CNBD1: variants seen among roughly 807,000 people sequenced by gnomAD.
CNBD1 encodes the protein cyclic nucleotide-binding domain-containing protein 1.
Under a neutral mutation model 54.4 loss-of-function variants are expected in CNBD1, and 71 were observed. The observed-to-expected ratio is 1.30, with a 90% CI of 1.08 to 1.59. CNBD1 has a LOEUF of 1.59. Ranked by LOEUF, CNBD1 falls within the 40% of genes most tolerant of loss-of-function variation. CNBD1 has a pLI of 0.00. For synonymous variants in CNBD1, 182 were observed against 170.7 expected (o/e 1.07, Z -0.51); for missense variants, 659 against 518.0 (o/e 1.27, Z -2.64).
intron 5 of CNBD1, among the ~76,000 whole-genome samples, chr8:87,228,717 A>C (rs534758748): frequency 1.3e-5 from 2 of 151,980 alleles, no homozygotes; most frequent in South Asian, 4.1e-4. Flanking sequence ...CTGCCCCCAG[A>C]GGTGGAGCCT....
intron 4 of CNBD1, among the ~76,000 whole-genome samples, chr8:87,176,835 A>G (rs1193971209): frequency 6.6e-6 from 1 of 151,974 alleles, no homozygotes; most frequent in Non-Finnish European, 1.5e-5. Flanking sequence ...TATTCTTATT[A>G]TTTCTGGCTT....
intron 4 of CNBD1, among the ~76,000 whole-genome samples, chr8:86,957,758 T>C (rs1182867463): frequency 6.6e-6 from 1 of 152,184 alleles, no homozygotes; most frequent in Non-Finnish European, 1.5e-5. Context: ...CTATCAATTT[T>C]GTTGATCTTT....
intron 4 of CNBD1, among the ~76,000 whole-genome samples, chr8:86,978,383 TAGC>T (rs955767674): frequency 2.0e-5 from 3 of 152,110 alleles, no homozygotes; most frequent in African/African-American, 7.2e-5. Flanking sequence ...ATAAATGAGA[TAGC>T]AGATAATTTA....
intron 4 of CNBD1, among the ~76,000 whole-genome samples, chr8:87,192,137 AAAGT>A (rs1813624818): frequency 6.6e-6 from 1 of 152,182 alleles, no homozygotes; most frequent in Admixed American, 6.5e-5. Flanking sequence ...TTCAATTTAA[AAAGT>A]AAGAAAAATA....
chr8:87,280,130 A>C (rs1004215168), intron 6 of CNBD1, among the ~76,000 whole-genome samples: 5 of 151,542 alleles, frequency 3.3e-5, no homozygotes, highest in Non-Finnish European at 7.4e-5. Context: ...GTTAGTTCCA[A>C]CTTTACCTTC....
chr8:87,330,244 T>TTTTC (rs1809795602), intron 8 of CNBD1, among the ~76,000 whole-genome samples: 1 of 151,062 alleles, frequency 6.6e-6, no homozygotes, highest in African/African-American at 2.4e-5. Flanking sequence ...TTTTTTTTTT[T>TTTTC]CAGTTAGCCT....
chr8:87,186,708 C>G (rs1351171658), intron 4 of CNBD1, among the ~76,000 whole-genome samples: 1 of 151,902 alleles, frequency 6.6e-6, no homozygotes, highest in African/African-American at 2.4e-5. Flanking sequence ...CTTATTTTAA[C>G]TTATTTATTT....
intron 4 of CNBD1, among the ~76,000 whole-genome samples, chr8:87,055,643 A>C (rs373816777): frequency 6.6e-6 from 1 of 152,180 alleles, no homozygotes; most frequent in Non-Finnish European, 1.5e-5. Flanking sequence ...GTGATTTTTC[A>C]GGCAGGCTGC....
intron 2 of CNBD1, among the ~76,000 whole-genome samples, chr8:87,400,128 C>G (rs374520902): frequency 6.6e-6 from 1 of 152,004 alleles, no homozygotes; most frequent in South Asian, 2.1e-4. Context: ...CCTGTCTGAG[C>G]GACTCCCGAG....
intron 4 of CNBD1, among the ~76,000 whole-genome samples, chr8:87,002,091 A>G (rs1809004514): frequency 6.6e-6 from 1 of 152,166 alleles, no homozygotes; most frequent in Non-Finnish European, 1.5e-5. Context: ...TTCACATACA[A>G]ATGGTTTAGG....
At chr8:87,320,987 T>A (rs1411935344) in intron 8 of CNBD1, among the ~76,000 whole-genome samples, 1 of 152,136 alleles carries the variant, frequency 6.6e-6, no homozygotes, top group African/African-American at 2.4e-5. Flanking sequence ...CTGGCTTATT[T>A]CACTTAGAAT....
At chr8:86,993,755 T>C (rs1217422986) in intron 4 of CNBD1, among the ~76,000 whole-genome samples, 1 of 152,214 alleles carries the variant, frequency 6.6e-6, no homozygotes, top group African/African-American at 2.4e-5. Flanking sequence ...TGGGCTGTGA[T>C]CCAGTAGATG....
At chr8:87,426,300 C>T (rs866862914) in intron 2 of CNBD1, among the ~76,000 whole-genome samples, 7 of 152,204 alleles carry the variant, frequency 4.6e-5, no homozygotes, top group Admixed American at 2.0e-4. Context: ...AGGCTGGGAG[C>T]TGTAGACCGG....
At chr8:87,177,072 T>G (rs1003034061) in intron 4 of CNBD1, among the ~76,000 whole-genome samples, 1 of 152,148 alleles carries the variant, frequency 6.6e-6, no homozygotes, top group East Asian at 1.9e-4. Context: ...ACTATATAAA[T>G]GTACAGAGTT....
intron 4 of CNBD1, among the ~76,000 whole-genome samples, chr8:86,992,551 T>C (rs1466531180): frequency 6.6e-6 from 1 of 152,082 alleles, no homozygotes; most frequent in Non-Finnish European, 1.5e-5. Context: ...TTGTGTAGTT[T>C]TTTTTTAAGT....
intron 2 of CNBD1, among the ~76,000 whole-genome samples, chr8:87,389,024 G>A (rs975181460): frequency 4.6e-5 from 7 of 152,164 alleles, no homozygotes; most frequent in Non-Finnish European, 1.0e-4. Flanking sequence ...AATAGATGCA[G>A]AAAAGGCCTT....
At position 87,213,562 on chromosome 8, in the gene CNBD1, T is replaced by A. The variant is rs150901531; in HGVS notation, c.577+7424T>A. 1.9e-4 allele frequency among the ~76,000 whole-genome samples: 29 copies of A among 152,220 alleles called. No homozygotes were observed. The East Asian group carries it at 5.4e-3, about 29-fold the overall frequency. On this transcript the variant is annotated intron_variant, in intron 5 of 10. Transcript: ENST00000518476. Reference sequence around the variant, plus strand: ...ATCTCATGAGACTTATTCACTACCATGACAACAGTATGGGAGAAACAACCC... The same window carrying A: ...ATCTCATGAGACTTATTCACTACCAAGACAACAGTATGGGAGAAACAACCC...
chr8:87,349,999 A>T (rs370066558), intron 8 of CNBD1, among the ~76,000 whole-genome samples: 11 of 152,318 alleles, frequency 7.2e-5, no homozygotes, highest in African/African-American at 2.6e-4. Context: ...TCTCATAGTT[A>T]AAAATAATGG....
At chr8:87,057,902 T>C (rs1810457332) in intron 4 of CNBD1, among the ~76,000 whole-genome samples, 1 of 151,910 alleles carries the variant, frequency 6.6e-6, no homozygotes, top group South Asian at 2.1e-4. Context: ...TTCCCAAAAG[T>C]ACCCCTAATG....
Sources: allele counts gnomAD v4.1 joint callset (sites outside exome capture counted in the v4.1 genomes callset), GRCh38; gene constraint gnomAD v4.1.1; transcripts MANE v1.5; gene names NCBI Gene and HGNC (gene_info 2026-07-23, HGNC 2026-07-21).